NBR1: variants seen among roughly 807,000 people sequenced by gnomAD.
NBR1 encodes the protein NBR1 autophagy cargo receptor.
NBR1 carries 59 observed loss-of-function variants against 115.5 expected under a neutral mutation model. The ratio of observed to expected loss-of-function variants is 0.51; its 90% CI spans 0.41 to 0.63. The LOEUF (loss-of-function observed/expected upper bound fraction) is 0.63. NBR1 is among the 30% of genes least tolerant of loss of function. NBR1 has a pLI of 0.00. For missense variants in NBR1, 1,043 were observed against 1,150.5 expected, an observed-to-expected ratio of 0.91 and a Z score of 1.35; for synonymous variants, 373 against 414.7, an observed-to-expected ratio of 0.90 and a Z score of 1.22.
At chr17:43,190,454 T>A (rs1280860097) in intron 8 of NBR1, 155 bp from the exon 9 acceptor site, 2 of 714,478 alleles carry the variant, frequency 2.8e-6, no homozygotes, top group South Asian at 1.7e-5. Context: ...CCTCATTTTA[T>A]TAATGAGGAA....
chr17:43,189,493 C>T (rs1300830251), intron 7 of NBR1, 95 bp from the exon 8 acceptor site: 3 of 830,158 alleles, frequency 3.6e-6, no homozygotes, highest in Non-Finnish European at 5.9e-6. Context: ...TTGTATTATA[C>T]CAGAGACAGT....
chr17:43,195,115 G>A, intron 14 of NBR1, 76 bp downstream of exon 14: 2 of 1,130,680 alleles, frequency 1.8e-6, no homozygotes, highest in South Asian at 2.6e-5. Flanking sequence ...CACTGGTAGT[G>A]TTTTATTCTG....
chr17:43,210,236 C>A lies in NBR1; in HGVS notation c.*162C>A. 1.9e-6 allele frequency: 1 copy of A among 539,586 alleles called. No individual in the cohort carries two copies. The highest frequency in any genetic ancestry group is 2.9e-6 in the Non-Finnish European group (1 of 345,338). 33.4% of individuals were successfully genotyped at this position (539,586 alleles called of 1,614,324 possible). ...ATACCTGCTACAGTATTTTGGGGAG[C>A]AAACTAAAGACCAGAACTTAAATTT... On this transcript the variant is annotated 3_prime_UTR_variant, in exon 21 of 21. Transcript: ENST00000590996.
In NBR1 at chr17:43,194,411, G is replaced by A; in HGVS notation, c.1586G>A (p.Gly529Glu). The A allele has an allele frequency of 6.2e-7, 1 of 1,613,964 alleles. No individual in the cohort carries two copies. Among genetic ancestry groups the A allele is most frequent in the Non-Finnish European group, 8.5e-7 (1 of 1,179,868 alleles). The change falls in exon 13 of 21, where the codon GGG becomes GAG. Residue 529 changes from glycine (G) to glutamate (E), a missense_variant. Transcript: ENST00000590996. Reference protein sequence around the residue: ...QLGEVTEQTEGTAACIPQKAK... With the variant: ...QLGEVTEQTEETAACIPQKAK... ...GGTGAAGTGACTGAGCAGACAGAAGGGACAGCAGCCTGCATCCCACAGAAG... is the reference window on the plus strand; with the variant it reads ...GGTGAAGTGACTGAGCAGACAGAAGAGACAGCAGCCTGCATCCCACAGAAG...
Position 43,202,675 on chromosome 17 carries a change from C to G in NBR1, c.2584C>G (p.Leu862Val). 2 of 1,578,084 alleles carry G rather than the reference C, an allele frequency of 1.3e-6. No individual in the cohort carries two copies. Among genetic ancestry groups the G allele is most frequent in the South Asian group, 1.2e-5 (1 of 86,000 alleles). ...IRGEPRGSSG[L>V]VNSRQKSYDH... ...TTTAGAGCCCAGAGGCTCATCAGGACTTGTAAACAGCAGACAGAAGAGCTA... is the reference window on the plus strand; with the variant it reads ...TTTAGAGCCCAGAGGCTCATCAGGAGTTGTAAACAGCAGACAGAAGAGCTA... The change falls in exon 19 of 21, where the codon CTT becomes GTT. Residue 862 changes from leucine to valine, a missense_variant. Transcript: ENST00000590996.
chr17:43,211,008 A>G lies in NBR1; in HGVS notation c.*934A>G. The G allele has an allele frequency of 3.2e-6, 1 of 308,634 alleles. No individual in the cohort carries two copies. The highest frequency in any genetic ancestry group is 5.9e-6 in the Non-Finnish European group (1 of 170,132). 19.1% of individuals were successfully genotyped at this position (308,634 alleles called of 1,614,324 possible). On this transcript the variant is annotated 3_prime_UTR_variant, in exon 21 of 21. Transcript: ENST00000590996. ...TGTCAGTGAAGTTCAGGGTGGGCAA[A>G]TGAGTGTGTGTGAGGTATAGGAAAT... is the stretch of plus-strand genomic sequence containing the variant.
At chr17:43,188,700 C>G (rs888765322) in intron 6 of NBR1, among the ~76,000 whole-genome samples, 2 of 152,154 alleles carry the variant, frequency 1.3e-5, no homozygotes, top group African/African-American at 4.8e-5. Flanking sequence ...TTCCCAGCAC[C>G]GTTTATTAAA....
chr17:43,178,276 G>T (rs2056574656), intron 3 of NBR1, among the ~76,000 whole-genome samples: 1 of 151,070 alleles, frequency 6.6e-6, no homozygotes, highest in Admixed American at 6.6e-5. Context: ...TTGAACTCCT[G>T]GGCCCAAGCA....
rs1317309825 is a variant in NBR1, at chr17:43,190,707, G to A, written c.794G>A (p.Gly265Asp). The A allele has an allele frequency of 1.2e-6, 2 of 1,613,840 alleles. No individual in the cohort carries two copies. Among genetic ancestry groups the A allele is most frequent in the Admixed American group, 1.7e-5 (1 of 59,992 alleles). ...CTGAAGTTGCGGAGACCTGTTGTGG[G>A]CTCCTCTGAACCGTTCTGTCACTCA... ...VLLKLRRPVVGSSEPFCHSKY... is the reference protein window; with the variant it reads ...VLLKLRRPVVDSSEPFCHSKY... Residue 265 changes from glycine (G) to aspartate (D), a missense_variant, in exon 9 of 21, where the codon GGC (glycine) becomes GAC (aspartate). Transcript: ENST00000590996.
chr17:43,180,686 G>T (rs2056640501), intron 4 of NBR1, 109 bp from the exon 5 acceptor site: 1 of 1,191,644 alleles, frequency 8.4e-7, no homozygotes, highest in East Asian at 3.6e-5. Flanking sequence ...GGAATCTTTG[G>T]TTCTTGAATG....
intron 20 of NBR1, among the ~76,000 whole-genome samples, chr17:43,207,514 T>G (rs571705058): frequency 6.6e-6 from 1 of 152,274 alleles, no homozygotes; most frequent in South Asian, 2.1e-4. Context: ...GGCACCACCA[T>G]GCCTAGCTAG....
intron 15 of NBR1, 80 bp downstream of exon 15, chr17:43,196,671 C>T: frequency 9.0e-7 from 1 of 1,108,786 alleles, no homozygotes; most frequent in Admixed American, 2.5e-5. Context: ...CCCCTACTGA[C>T]CCTACCTTAG....
At position 43,203,754 on chromosome 17, in the gene NBR1, GC is replaced by G. The variant is rs1423875972; in HGVS notation, c.2698del (p.Leu900CysfsTer12). On this transcript the variant is annotated frameshift_variant, in exon 20 of 21. Transcript: ENST00000590996. LOFTEE classifies it high-confidence loss of function. Reference protein sequence around the residue: ...ALSVAASAYKALFAGPPVTAQ... With the variant: ...ALSVAASAYKXLFAGPPVTAQ... ...GTCTGTTGCTGCCTCTGCATACAAG[GC>G]CCTGTTTGCTGGGCCACCAGTCACT... The G allele has an allele frequency of 3.7e-6, 6 of 1,603,838 alleles. No homozygotes were observed. Among genetic ancestry groups the G allele is most frequent in the Non-Finnish European group, 5.1e-6 (6 of 1,174,778 alleles).
At chr17:43,200,867 G>GTTTTTTT (rs556106085) in intron 17 of NBR1, among the ~76,000 whole-genome samples, 5 of 123,644 alleles carry the variant, frequency 4.0e-5, no homozygotes, top group Admixed American at 8.4e-5. Flanking sequence ...AGCTGGTTGT[G>GTTTTTTT]TTTTTTTTTT....
At chr17:43,190,406 A>G in intron 8 of NBR1, 1 of 572,834 alleles carries the variant, frequency 1.7e-6, no homozygotes. Flanking sequence ...CCTCCCATAG[A>G]TTTTCATTTA....
intron 1 of NBR1, among the ~76,000 whole-genome samples, chr17:43,173,875 T>C (rs1294502962): frequency 2.9e-5 from 4 of 137,798 alleles, no homozygotes; most frequent in African/African-American, 1.1e-4. Context: ...CCCTGGGACT[T>C]AATCTTGTTC....
intron 13 of NBR1, 46 bp downstream of exon 13, chr17:43,194,545 C>T: frequency 1.2e-6 from 2 of 1,605,452 alleles, no homozygotes; most frequent in Non-Finnish European, 1.7e-6. Context: ...AGGGAGAGAG[C>T]ACAGGAGAGA....
intron 19 of NBR1, among the ~76,000 whole-genome samples, 190 bp downstream of exon 19, chr17:43,202,902 A>T (rs1432536409): frequency 6.6e-6 from 1 of 152,188 alleles, no homozygotes. Context: ...CTGATGTTTA[A>T]GAGTGTTCTG....
At position 43,203,700 on chromosome 17, in the gene NBR1, A is replaced by G. The variant is rs778224724; in HGVS notation, c.2641A>G (p.Ile881Val). The G allele has an allele frequency of 6.2e-7, 1 of 1,609,820 alleles. No homozygotes were observed. Among genetic ancestry groups the G allele is most frequent in the East Asian group, 2.2e-5 (1 of 44,858 alleles). ...DHSRHHHGSS[I>V]AGGLVKGALS... ...CTGCAGGCACCATCATGGGAGCAGCATTGCTGGAGGACTGGTGAAGGGGGC... is the reference window on the plus strand; with the variant it reads ...CTGCAGGCACCATCATGGGAGCAGCGTTGCTGGAGGACTGGTGAAGGGGGC... Residue 881 changes from isoleucine to valine, a missense_variant, in exon 20 of 21, where the codon ATT becomes GTT. Coordinates refer to ENST00000590996, the MANE Select transcript of NBR1 (RefSeq NM_005899.5).
Sources: allele counts gnomAD v4.1 joint callset (sites outside exome capture counted in the v4.1 genomes callset), GRCh38; gene constraint gnomAD v4.1.1; transcripts MANE v1.5; gene names NCBI Gene and HGNC (gene_info 2026-07-23, HGNC 2026-07-21).